The following TMOD3 variants were observed in gnomAD, a reference collection of about 807,000 sequenced individuals.
TMOD3 encodes the protein tropomodulin-3.
Under a neutral mutation model 39.2 loss-of-function variants are expected in TMOD3, and 20 were observed. The observed-to-expected ratio is 0.51, with a 90% CI of 0.36 to 0.74. The LOEUF (loss-of-function observed/expected upper bound fraction) is 0.74, where lower values mean the gene tolerates loss of function less well. TMOD3 is among the 30% of genes least tolerant of loss of function. The probability of loss-of-function intolerance (pLI) is 0.00; values close to 1 mark genes in which losing one functional copy is unlikely to be tolerated. For synonymous variants in TMOD3, 143 were observed against 145.8 expected (o/e 0.98, Z 0.14); for missense variants, 381 against 412.8 (o/e 0.92, Z 0.67).
At chr15:51,898,375 A>G (rs1046221880) in intron 7 of TMOD3, among the ~76,000 whole-genome samples, 2 of 152,116 alleles carry the variant, frequency 1.3e-5, no homozygotes, top group Non-Finnish European at 2.9e-5. Context: ...ATAAAATACC[A>G]ACCCCATTCC....
At chr15:51,877,159 T>A (rs2056508782) in intron 3 of TMOD3, among the ~76,000 whole-genome samples, 1 of 152,240 alleles carries the variant, frequency 6.6e-6, no homozygotes, top group Admixed American at 6.5e-5. Flanking sequence ...CTTGCCAATT[T>A]TATCATCTAT....
chr15:51,847,782 A>G (rs2056342922), intron 1 of TMOD3, among the ~76,000 whole-genome samples: 1 of 152,164 alleles, frequency 6.6e-6, no homozygotes, highest in Non-Finnish European at 1.5e-5. Context: ...TATACGTTAT[A>G]TACAACTAAA....
intron 4 of TMOD3, among the ~76,000 whole-genome samples, chr15:51,888,585 G>A (rs1462304358): frequency 2.0e-5 from 3 of 152,104 alleles, no homozygotes; most frequent in South Asian, 2.1e-4. Flanking sequence ...TCTTACATAC[G>A]AGAACCTAAT....
chr15:51,858,398 A>G (rs536894539), intron 1 of TMOD3: 1 of 151,458 alleles, frequency 6.6e-6, no homozygotes, highest in East Asian at 1.9e-4. Context: ...GACGCTTAAC[A>G]AACAGTAATG....
intron 5 of TMOD3, among the ~76,000 whole-genome samples, chr15:51,893,021 C>T (rs1188308672): frequency 2.0e-5 from 3 of 152,040 alleles, no homozygotes; most frequent in Non-Finnish European, 2.9e-5. Context: ...CAAGGCCAAG[C>T]GCAGTGGCTC....
chr15:51,898,776 A>G (rs2056634064), intron 7 of TMOD3, among the ~76,000 whole-genome samples: 1 of 152,082 alleles, frequency 6.6e-6, no homozygotes, highest in African/African-American at 2.4e-5. Context: ...GCTGTTTTAT[A>G]TAAACTCATG....
Position 51,909,192 on chromosome 15 carries a change from A to G in TMOD3, c.*382A>G, listed in dbSNP as rs1228093417. On this transcript the variant is annotated 3_prime_UTR_variant, in exon 10 of 10. Coordinates refer to ENST00000308580, the MANE Select transcript of TMOD3 (RefSeq NM_014547.5). ...AATTGTTATTGCTTCATTTAGACAT[A>G]AAACACTTAAGTGTTTTCTTCACTC... The G allele has an allele frequency of 6.1e-6, 1 of 162,726 alleles. No homozygotes were observed. Among genetic ancestry groups the G allele is most frequent in the Non-Finnish European group, 1.3e-5 (1 of 75,000 alleles). The allele number at this position is 162,726 out of a possible 1,614,324, so 10.1% of individuals were successfully genotyped here.
chr15:51,849,118 TAAAGAGATGAC>T, intron 1 of TMOD3, among the ~76,000 whole-genome samples: 1 of 152,240 alleles, frequency 6.6e-6, no homozygotes, highest in Non-Finnish European at 1.5e-5. Flanking sequence ...GTGGAGATGG[TAAAGAGATGAC>T]TTTTAAAGGT....
Position 51,900,247 on chromosome 15 carries a change from T to C in TMOD3, c.828T>C (p.Ile276=), listed in dbSNP as rs1162476712. 1 of 1,614,086 alleles carries C rather than the reference T, an allele frequency of 6.2e-7. No individual in the cohort carries two copies. The highest frequency in any genetic ancestry group is 1.1e-5 in the South Asian group (1 of 91,090). ...CGGGAGTTGGGATTCTGGCACTGAT[T>C]GATGCGTTAAGAGATAATGAAACCC... is the stretch of plus-strand genomic sequence containing the variant. ...FITGVGILAL[I]DALRDNETLA... Residue 276 remains isoleucine (I), a synonymous_variant, in exon 8 of 10, where the codon ATT becomes ATC. Transcript: ENST00000308580.
At chr15:51,880,790 T>C (rs2056528837) in intron 3 of TMOD3, among the ~76,000 whole-genome samples, 1 of 152,242 alleles carries the variant, frequency 6.6e-6, no homozygotes, top group Admixed American at 6.5e-5. Flanking sequence ...TGAACATTTT[T>C]ATACAAGTTG....
At chr15:51,864,457 A>G (rs553033288) in intron 2 of TMOD3, among the ~76,000 whole-genome samples, 1 of 152,000 alleles carries the variant, frequency 6.6e-6, no homozygotes, top group African/African-American at 2.4e-5. Flanking sequence ...TGTTCCTAGG[A>G]TGTTGTTTTA....
At position 51,869,396 on chromosome 15, in the gene TMOD3, C is replaced by T. The variant is rs1264555005; in HGVS notation, c.283+23C>T. The T allele has an allele frequency of 2.1e-5, 34 of 1,604,350 alleles. 1 individual carries two copies. The African/African-American group carries it at 3.2e-4, about 15-fold the overall frequency. ...AAGGTAAGCCCCAGAATTTTAAAGT[C>T]ATTATGTGGTAACACTTGATTTTTC... On this transcript the variant is annotated intron_variant, in intron 3 of 9. Coordinates refer to ENST00000308580, the MANE Select transcript of TMOD3 (RefSeq NM_014547.5).
At chr15:51,872,263 T>C (rs2554334) in intron 3 of TMOD3, among the ~76,000 whole-genome samples, 72,417 of 151,776 alleles carry the variant, frequency 0.48, 17,505 homozygotes, top group Admixed American at 0.54. Context: ...CATGGTGGCA[T>C]GCACCTGTAA....
At chr15:51,907,339 T>G (rs563008090) in intron 9 of TMOD3, 1 of 152,314 alleles carries the variant, frequency 6.6e-6, no homozygotes, top group Admixed American at 6.5e-5. Flanking sequence ...TAAAATAAAC[T>G]TAAGAGTCAG....
chr15:51,882,905 G>C (rs1221014679), intron 3 of TMOD3, among the ~76,000 whole-genome samples: 2 of 151,830 alleles, frequency 1.3e-5, no homozygotes, highest in African/African-American at 4.8e-5. Flanking sequence ...TATTCGTAAT[G>C]CTAAACTTAG....
rs150802352 is a variant in TMOD3, at chr15:51,906,700, A to C, written c.1025-2076A>C. Among the ~76,000 whole-genome samples the C allele has an allele frequency of 2.7e-3, 411 of 152,252 alleles. 4 individuals carry two copies. Among genetic ancestry groups the C allele is most frequent in the African/African-American group, 9.6e-3 (398 of 41,534 alleles). On this transcript the variant is annotated intron_variant, in intron 9 of 9. Transcript: ENST00000308580. ...AACATCCAAACCCTGCTGCAATTCA[A>C]AATTTTCGTTGAAATGTTCTACCCT...
chr15:51,892,469 G>T (rs552558302), intron 5 of TMOD3: 3 of 152,238 alleles, frequency 2.0e-5, no homozygotes, highest in Admixed American at 6.5e-5. Flanking sequence ...TCATATTCCT[G>T]TGTGGGTAGC....
chr15:51,834,430 T>TG (rs1745022791), intron 1 of TMOD3, among the ~76,000 whole-genome samples: 1 of 152,212 alleles, frequency 6.6e-6, no homozygotes, highest in Admixed American at 6.5e-5. Flanking sequence ...AGTCTGTGAT[T>TG]GATCTCAAAG....
intron 2 of TMOD3, among the ~76,000 whole-genome samples, chr15:51,863,414 A>G (rs1001177527): frequency 1.3e-5 from 2 of 152,234 alleles, no homozygotes; most frequent in Admixed American, 6.5e-5. Flanking sequence ...ATGACCCTAA[A>G]TCTAATTGTT....
Sources: allele counts gnomAD v4.1 joint callset (sites outside exome capture counted in the v4.1 genomes callset), GRCh38; gene constraint gnomAD v4.1.1; transcripts MANE v1.5; gene names NCBI Gene and HGNC (gene_info 2026-07-23, HGNC 2026-07-21).